The following HS3ST1 variants were observed in gnomAD, a reference collection of about 807,000 sequenced individuals.
HS3ST1 encodes the protein heparan sulfate glucosamine 3-O-sulfotransferase 1.
Under a neutral mutation model 20.7 loss-of-function variants are expected in HS3ST1, and 8 were observed. The ratio of observed to expected loss-of-function variants is 0.39; its 90% confidence interval spans 0.23 to 0.70. HS3ST1 has a LOEUF of 0.70. HS3ST1 is among the 30% of genes least tolerant of loss of function. The pLI is 0.46. For synonymous variants in HS3ST1, 205 were observed against 190.4 expected (o/e 1.08, Z -0.63); for missense variants, 436 against 423.4 (o/e 1.03, Z -0.26).
intron 1 of HS3ST1, among the ~76,000 whole-genome samples, chr4:11,420,820 A>G (rs1475535687): frequency 6.6e-6 from 1 of 152,100 alleles, no homozygotes; most frequent in Non-Finnish European, 1.5e-5. Context: ...CTTCTCTTTC[A>G]TCTTGGACCC....
upstream of HS3ST1, among the ~76,000 whole-genome samples, chr4:11,430,359 TA>T (rs1314919470): frequency 1.3e-5 from 2 of 152,238 alleles, no homozygotes; most frequent in South Asian, 2.1e-4. Context: ...CCTTAGCATT[TA>T]AACTAACATT....
intron 1 of HS3ST1, among the ~76,000 whole-genome samples, chr4:11,425,712 C>T (rs1719043568): frequency 6.6e-6 from 1 of 152,186 alleles, no homozygotes; most frequent in Non-Finnish European, 1.5e-5. Context: ...CACAAGTGTT[C>T]TCCAATCGGC....
rs368275390 is a variant in HS3ST1, at chr4:11,399,174, C to G, written c.832G>C (p.Asp278His). The change falls in exon 2 of 2, where the codon GAT becomes CAT. Residue 278 changes from aspartate (D) to histidine (H), a missense_variant. Asp to His is a moderately conservative substitution (Grantham distance 81). Coordinates refer to ENST00000002596, the MANE Select transcript of HS3ST1 (RefSeq NM_005114.4). This position sits in a 1 kb window ranked among gnomAD's most constrained non-coding sequence, Gnocchi z 5.1. The stretch of plus-strand genomic sequence containing the variant: ...TGCAGTTTATTGAGTAGTTTGGGAT[C>G]GACTTGGGGGTGCGCCCGGCCTTTG... ...ESKGRAHPQVDPKLLNKLHEY... is the reference protein window; with the variant it reads ...ESKGRAHPQVHPKLLNKLHEY... The G allele has an allele frequency of 6.2e-7, 1 of 1,614,022 alleles. No homozygotes were observed. The highest frequency in any genetic ancestry group is 1.3e-5 in the African/African-American group (1 of 74,910).
intron 1 of HS3ST1, among the ~76,000 whole-genome samples, chr4:11,401,759 C>G (rs1434327721): frequency 6.6e-6 from 1 of 152,170 alleles, no homozygotes; most frequent in South Asian, 2.1e-4. Flanking sequence ...ATCCACAAAC[C>G]ACATCTTTTC....
rs1040381304 is a variant in HS3ST1 at position 11,416,924 on chromosome 4, TAAGAA to T, written c.-109+11770_-109+11774del. 1.1e-4 allele frequency among the ~76,000 whole-genome samples: 17 copies of T among 152,116 alleles called. 1 individual carries two copies. Among genetic ancestry groups the T allele is most frequent in the Non-Finnish European group, 4.4e-5 (3 of 68,012 alleles). On this transcript the variant is annotated intron_variant, in intron 1 of 1. Coordinates refer to ENST00000002596, the MANE Select transcript of HS3ST1 (RefSeq NM_005114.4). Reference sequence around the variant, plus strand: ...AAAGAATGATACAGTCTGAACCTGATAAGAAAAGGGAGAACGTACAAAAGTTCTAC... The same window carrying T: ...AAAGAATGATACAGTCTGAACCTGATAAGGGAGAACGTACAAAAGTTCTAC...
At chr4:11,412,754 A>G (rs748063386) in intron 1 of HS3ST1, among the ~76,000 whole-genome samples, 4 of 152,192 alleles carry the variant, frequency 2.6e-5, no homozygotes, top group Non-Finnish European at 4.4e-5. Context: ...CTGAGAAATA[A>G]TCTATGAAGA....
intron 1 of HS3ST1, among the ~76,000 whole-genome samples, chr4:11,411,181 G>A (rs1448535566): frequency 6.6e-6 from 1 of 152,152 alleles, no homozygotes; most frequent in East Asian, 1.9e-4. Flanking sequence ...AAAAACACCA[G>A]GGATAGAGCA....
At chr4:11,422,049 G>A (rs568214732) in intron 1 of HS3ST1, among the ~76,000 whole-genome samples, 80 of 152,336 alleles carry the variant, frequency 5.3e-4, no homozygotes, top group African/African-American at 1.7e-3. Context: ...TCATGCCAGA[G>A]TGCTTTTGCA....
chr4:11,407,170 A>G (rs1718488332), intron 1 of HS3ST1, among the ~76,000 whole-genome samples: 1 of 152,154 alleles, frequency 6.6e-6, no homozygotes, highest in Admixed American at 6.6e-5. Flanking sequence ...GGATTTCCTT[A>G]TGGTAATTGC....
intron 1 of HS3ST1, among the ~76,000 whole-genome samples, chr4:11,414,326 C>G (rs1718712975): frequency 6.7e-6 from 1 of 150,112 alleles, no homozygotes; most frequent in African/African-American, 2.5e-5. Flanking sequence ...TGTATATATA[C>G]ATATACACGC....
intron 1 of HS3ST1, among the ~76,000 whole-genome samples, chr4:11,409,659 AC>A (rs752071217): frequency 2.0e-5 from 3 of 152,214 alleles, no homozygotes; most frequent in Admixed American, 6.5e-5. Context: ...TATTGTTTAA[AC>A]CATCCATTGC....
chr4:11,417,760 A>T (rs1204894288), intron 1 of HS3ST1, among the ~76,000 whole-genome samples: 2 of 152,228 alleles, frequency 1.3e-5, no homozygotes, highest in African/African-American at 4.8e-5. Context: ...CAGAGCTGGG[A>T]AGGAAAAACA....
Position 11,393,881 on chromosome 4 carries a change from A to C in HS3ST1, c.*5201T>G, listed in dbSNP as rs1393542106. ...CAGGTAAGAAAACTCCTGCCAACTA[A>C]GAGAAATCCTTCAGAAAATAGTACA... On this transcript the variant is annotated 3_prime_UTR_variant, in exon 2 of 2. Transcript: ENST00000002596. The C allele has an allele frequency of 1.3e-5, 2 of 152,266 alleles. No individual in the cohort carries two copies. The highest frequency in any genetic ancestry group is 2.9e-5 in the Non-Finnish European group (2 of 68,080). 9.4% of individuals were successfully genotyped at this position (152,266 alleles called of 1,614,324 possible).
upstream of HS3ST1, among the ~76,000 whole-genome samples, chr4:11,433,988 T>C (rs1049150954): frequency 6.6e-6 from 1 of 152,216 alleles, no homozygotes; most frequent in African/African-American, 2.4e-5. Flanking sequence ...TTCTAGCAGC[T>C]CTCTTCTGTC....
chr4:11,411,241 T>C (rs762781920), intron 1 of HS3ST1, among the ~76,000 whole-genome samples: 41 of 152,188 alleles, frequency 2.7e-4, no homozygotes, highest in Non-Finnish European at 5.3e-4. Context: ...AAAACTGGCA[T>C]AGAAATAATA....
chr4:11,397,489 G>A lies in HS3ST1; in HGVS notation c.*1593C>T, dbSNP rs529975055. 6.6e-6 allele frequency: 1 copy of A among 152,386 alleles called. No individual in the cohort carries two copies. Among genetic ancestry groups the A allele is most frequent in the South Asian group, 2.1e-4 (1 of 4,832 alleles). The allele number at this position is 152,386 out of a possible 1,614,324, so 9.4% of individuals were successfully genotyped here. On this transcript the variant is annotated 3_prime_UTR_variant, in exon 2 of 2. Coordinates refer to ENST00000002596, the MANE Select transcript of HS3ST1 (RefSeq NM_005114.4). ...GCACCTGGGAAGAAATGTTAAGTCA[G>A]GTCAGGAAGAACTGGCTCTGAGTCT...
chr4:11,433,734 G>A (rs1372716908), upstream of HS3ST1, among the ~76,000 whole-genome samples: 1 of 152,120 alleles, frequency 6.6e-6, no homozygotes, highest in Non-Finnish European at 1.5e-5. Flanking sequence ...ATATGTATTA[G>A]GTACCTCCCA....
In HS3ST1 at chr4:11,396,789, C is replaced by T. The variant is rs1213873306; in HGVS notation, c.*2293G>A. Reference sequence around the variant, plus strand: ...CATTCCTTTAGCCACGACTCTGCACCCCCAAATGAAAACATATTGAATTTA... The same window carrying T: ...CATTCCTTTAGCCACGACTCTGCACTCCCAAATGAAAACATATTGAATTTA... On this transcript the variant is annotated 3_prime_UTR_variant, in exon 2 of 2. Coordinates refer to ENST00000002596, the MANE Select transcript of HS3ST1 (RefSeq NM_005114.4). The T allele has an allele frequency of 6.6e-6, 1 of 152,266 alleles. No individual in the cohort carries two copies. Among genetic ancestry groups the T allele is most frequent in the Admixed American group, 6.5e-5 (1 of 15,282 alleles). 9.4% of individuals were successfully genotyped at this position (152,266 alleles called of 1,614,324 possible).
At chr4:11,417,938 T>C (rs1308206152) in intron 1 of HS3ST1, among the ~76,000 whole-genome samples, 1 of 152,210 alleles carries the variant, frequency 6.6e-6, no homozygotes, top group Non-Finnish European at 1.5e-5. Context: ...TTCGATTCAT[T>C]TTCCTCTTTC....
Sources: allele counts gnomAD v4.1 joint callset (sites outside exome capture counted in the v4.1 genomes callset), GRCh38; gene constraint gnomAD v4.1.1; non-coding constraint Gnocchi (gnomAD v3.1); transcripts MANE v1.5; gene names NCBI Gene and HGNC (gene_info 2026-07-23, HGNC 2026-07-21).